FOXJ3: variants seen among roughly 807,000 people sequenced by gnomAD.
The protein encoded by FOXJ3 is forkhead box protein J3.
Under a neutral mutation model 76.1 loss-of-function variants are expected in FOXJ3, and 22 were observed. That is an observed-to-expected ratio of 0.29 (90% CI 0.21 to 0.41). The LOEUF (loss-of-function observed/expected upper bound fraction) is 0.41, where lower values mean the gene tolerates loss of function less well. Ranked by LOEUF, FOXJ3 falls within the 10% of genes least tolerant of loss-of-function variation. The pLI is 1.00. For missense variants in FOXJ3, 613 were observed against 762.1 expected (o/e 0.80, Z 2.30); for synonymous variants, 269 against 261.2 (o/e 1.03, Z -0.29).
At chr1:42,264,951 T>A in intron 4 of FOXJ3, 164 bp downstream of exon 4, 1 of 652,958 alleles carries the variant, frequency 1.5e-6, no homozygotes, top group Non-Finnish European at 2.8e-6. Flanking sequence ...TATACACTAG[T>A]TAGGTTCCCA....
intron 2 of FOXJ3, among the ~76,000 whole-genome samples, chr1:42,300,417 T>A (rs992711835): frequency 6.6e-6 from 1 of 152,196 alleles, no homozygotes; most frequent in Non-Finnish European, 1.5e-5. Flanking sequence ...TTCACACTTG[T>A]TTGTCTGGGA....
chr1:42,189,229 A>T, intron 10 of FOXJ3, 74 bp downstream of exon 10: 1 of 965,782 alleles, frequency 1.0e-6, no homozygotes, highest in Non-Finnish European at 1.6e-6. Context: ...TTTCTACTAC[A>T]AAGAAAGTTA....
chr1:42,247,862 C>A (rs1326992273), intron 4 of FOXJ3, among the ~76,000 whole-genome samples: 1 of 152,192 alleles, frequency 6.6e-6, no homozygotes, highest in Non-Finnish European at 1.5e-5. Context: ...AAATGTTCTT[C>A]AGCTGGATAA....
chr1:42,255,456 G>A (rs745329971), intron 4 of FOXJ3, among the ~76,000 whole-genome samples: 7 of 152,068 alleles, frequency 4.6e-5, no homozygotes, highest in African/African-American at 1.2e-4. Context: ...ATAAAGCAAC[G>A]TTAAGAACAA....
intron 5 of FOXJ3, among the ~76,000 whole-genome samples, chr1:42,219,263 T>C (rs1647131898): frequency 6.6e-6 from 1 of 152,256 alleles, no homozygotes; most frequent in Non-Finnish European, 1.5e-5. Flanking sequence ...CCCTTGTCCA[T>C]CATATCCACT....
intron 4 of FOXJ3, among the ~76,000 whole-genome samples, chr1:42,246,697 C>T (rs970377369): frequency 1.5e-4 from 23 of 151,302 alleles, no homozygotes; most frequent in African/African-American, 5.3e-4. Flanking sequence ...TAGGTATTTA[C>T]CCAAAGGAAA....
chr1:42,179,552 T>C lies in FOXJ3; in HGVS notation c.*158A>G. 1 of 524,510 alleles carries C rather than the reference T, an allele frequency of 1.9e-6. No homozygotes were observed. The highest frequency in any genetic ancestry group is 3.2e-5 in the East Asian group (1 of 31,046). 32.5% of individuals were successfully genotyped at this position (524,510 alleles called of 1,614,324 possible). On this transcript the variant is annotated 3_prime_UTR_variant, in exon 13 of 13. Transcript: ENST00000361346. ...GCTTGGGTCAGATAAAAGCAGTAAG[T>C]TATCCAGCTAAAATCCTTCTGATTG...
intron 4 of FOXJ3, among the ~76,000 whole-genome samples, chr1:42,243,985 T>C (rs1411826069): frequency 6.6e-6 from 1 of 152,064 alleles, no homozygotes; most frequent in East Asian, 1.9e-4. Context: ...TCAGACAACA[T>C]GGACTAAAAC....
At chr1:42,332,231 A>G (rs1408644623) in intron 1 of FOXJ3, among the ~76,000 whole-genome samples, 2 of 152,260 alleles carry the variant, frequency 1.3e-5, no homozygotes, top group African/African-American at 4.8e-5. Context: ...TTTCTTCATT[A>G]TACTACTACC....
At chr1:42,185,547 G>A (rs570509646) in intron 11 of FOXJ3, among the ~76,000 whole-genome samples, 80 of 151,888 alleles carry the variant, frequency 5.3e-4, no homozygotes, top group Non-Finnish European at 9.7e-4. Context: ...TTTCTTGATG[G>A]ATCTGTCTCA....
At chr1:42,319,446 G>A (rs772077126) in intron 1 of FOXJ3, among the ~76,000 whole-genome samples, 1 of 152,166 alleles carries the variant, frequency 6.6e-6, no homozygotes, top group African/African-American at 2.4e-5. Flanking sequence ...GTCCAAAATA[G>A]GCAAATTCAT....
At position 42,295,816 on chromosome 1, in the gene FOXJ3, C is replaced by T. The variant is rs547057269; in HGVS notation, c.44+15234G>A. 3.9e-5 allele frequency among the ~76,000 whole-genome samples: 6 copies of T among 152,224 alleles called. No individual in the cohort carries two copies. In the East Asian group the frequency reaches 5.8e-4, roughly 15 times the overall value. ...TGCTGGAATTACAGGCATGACCCAC[C>T]GCACCTGTCCAGGTGTCTTTTGTAT... On this transcript the variant is annotated intron_variant, in intron 2 of 12. Coordinates refer to ENST00000361346, the MANE Select transcript of FOXJ3 (RefSeq NM_014947.5).
chr1:42,280,438 T>TAAAAAAAAAAA lies in FOXJ3; in HGVS notation c.45-1777_45-1767dup, dbSNP rs71065112. ...ATCCATATAGCATCTTCAGAGATCT[T>TAAAAAAAAAAA]AAAAAAAAAAAAAAAAAAAAAAAAA... On this transcript the variant is annotated intron_variant, in intron 2 of 12. Coordinates refer to ENST00000361346, the MANE Select transcript of FOXJ3 (RefSeq NM_014947.5). 9 of 77,580 alleles carry TAAAAAAAAAAA rather than the reference T, an allele frequency of 1.2e-4. 1 individual carries two copies. The highest frequency in any genetic ancestry group is 3.0e-4 in the Admixed American group (1 of 3,318). 4.8% of individuals were successfully genotyped at this position (77,580 alleles called of 1,614,324 possible).
chr1:42,191,091 G>C (rs1374185865), intron 9 of FOXJ3, among the ~76,000 whole-genome samples: 1 of 131,872 alleles, frequency 7.6e-6, no homozygotes, highest in African/African-American at 2.9e-5. Flanking sequence ...AAACCTGCAA[G>C]GGTTGCTGGG....
rs151198151 is a variant in FOXJ3 at position 42,281,958 on chromosome 1, C to T, written c.45-3286G>A. ...CCTGTAATCCCAGCTACTTGGGAGG[C>T]TGAGGCAGGAGAATCACTTGAACCC... On this transcript the variant is annotated intron_variant, in intron 2 of 12. Transcript: ENST00000361346. Among the ~76,000 whole-genome samples the T allele has an allele frequency of 2.9e-3, 444 of 151,894 alleles. 1 individual carries two copies. Among genetic ancestry groups the T allele is most frequent in the African/African-American group, 1.0e-2 (413 of 41,388 alleles).
chr1:42,323,868 A>G (rs1322722012), intron 1 of FOXJ3: 2 of 172,514 alleles, frequency 1.2e-5, no homozygotes, highest in Non-Finnish European at 2.3e-5. Flanking sequence ...TTTTGCCTCA[A>G]TTACAACTAA....
At chr1:42,304,883 T>C (rs1018927100) in intron 2 of FOXJ3, among the ~76,000 whole-genome samples, 3 of 151,676 alleles carry the variant, frequency 2.0e-5, no homozygotes, top group African/African-American at 7.3e-5. Flanking sequence ...AAAGCGAAAA[T>C]AGACAAACGG....
Position 42,265,221 on chromosome 1 carries a change from A to G in FOXJ3, c.370-32T>C, listed in dbSNP as rs779936285. ...TTAAAGAAGAAAAGCCATAAGGTCA[A>G]TAAAATCCAAAAAACATAACCCAAA... On this transcript the variant is annotated intron_variant, in intron 3 of 12. Transcript: ENST00000361346. 3.3e-6 allele frequency: 4 copies of G among 1,230,586 alleles called. No individual in the cohort carries two copies. In the East Asian group the frequency reaches 7.4e-5, roughly 23 times the overall value. 76.2% of individuals were successfully genotyped at this position (1,230,586 alleles called of 1,614,324 possible). A position where few individuals can be genotyped will look rare whatever the true frequency, so the allele number is the denominator to read the frequency against.
chr1:42,285,570 C>A (rs1388210255), intron 2 of FOXJ3, among the ~76,000 whole-genome samples: 1 of 152,278 alleles, frequency 6.6e-6, no homozygotes, highest in South Asian at 2.1e-4. Context: ...CTCCCCAAGG[C>A]TTATCAACGA....
Sources: gnomAD v4.1 joint callset for allele counts (sites outside exome capture counted in the v4.1 genomes callset) on GRCh38, gnomAD v4.1.1 for gene constraint, MANE v1.5 for transcripts, NCBI Gene and HGNC (gene_info 2026-07-23, HGNC 2026-07-21) for gene names.